GSE1: variants seen among roughly 807,000 people sequenced by gnomAD.
GSE1 encodes genetic suppressor element 1.
A neutral mutation model predicts 112.6 loss-of-function variants in GSE1; 32 were observed. The ratio of observed to expected loss-of-function variants is 0.28; its 90% CI spans 0.21 to 0.38. GSE1 has a LOEUF of 0.38. Among genes scored for constraint, GSE1 ranks in the 10% least tolerant of loss-of-function variants. The pLI, the probability that GSE1 is intolerant of heterozygous loss-of-function variation, is 1.00. For missense variants in GSE1, 2,348 were observed against 1,699.2 expected, an observed-to-expected ratio of 1.38 and a Z score of -6.71; for synonymous variants, 1,115 against 735.6, an observed-to-expected ratio of 1.52 and a Z score of -8.35.
intron 2 of GSE1, among the ~76,000 whole-genome samples, chr16:85,539,976 G>C (rs1220874902): frequency 6.6e-6 from 1 of 152,202 alleles, no homozygotes; most frequent in Non-Finnish European, 1.5e-5. Flanking sequence ...CCTCTTCTCT[G>C]CAGACAGCTG....
At chr16:85,513,861 C>G (rs757573406) in intron 2 of GSE1, among the ~76,000 whole-genome samples, 3 of 152,200 alleles carry the variant, frequency 2.0e-5, no homozygotes, top group Admixed American at 2.0e-4. Context: ...GGGCAGGGCA[C>G]GTGTACAATG....
At position 85,280,506 on chromosome 16, in the gene GSE1, C is replaced by T. The variant is rs554626458; in HGVS notation, c.2284-76957C>T. Among the ~76,000 whole-genome samples, 6 of 152,350 alleles carry T rather than the reference C, an allele frequency of 3.9e-5. No homozygotes were observed. In the East Asian group the frequency reaches 1.2e-3, roughly 29 times the overall value. On this transcript the variant is annotated intron_variant, in intron 1 of 2. Transcript: ENST00000637419. ...CACCTCCTGGGTTTAAGCGATTCTC[C>T]TGCCTCAGCCTCTCGAGTAGCTGGG...
At chr16:85,661,830 A>C (rs1021537006) in intron 9 of GSE1, 65 bp downstream of exon 9, 1 of 1,402,834 alleles carries the variant, frequency 7.1e-7, no homozygotes, top group African/African-American at 1.5e-5. Context: ...GGGAGCCTGC[A>C]TGCCAGCCAC....
At chr16:85,576,419 G>A (rs2046229753) in intron 1 of GSE1, among the ~76,000 whole-genome samples, 1 of 152,160 alleles carries the variant, frequency 6.6e-6, no homozygotes, top group Non-Finnish European at 1.5e-5. Context: ...AAAAGCGAAG[G>A]GAAGCCAAAC....
intron 2 of GSE1, among the ~76,000 whole-genome samples, chr16:85,486,341 G>C (rs1001362865): frequency 6.6e-6 from 1 of 152,100 alleles, no homozygotes; most frequent in Non-Finnish European, 1.5e-5. Flanking sequence ...ATGTTGTCAC[G>C]TGCACACGAG....
chr16:85,512,986 T>C (rs1029813856), intron 2 of GSE1, among the ~76,000 whole-genome samples: 12 of 152,142 alleles, frequency 7.9e-5, no homozygotes, highest in Admixed American at 6.5e-4. Context: ...CCAGCTGCCA[T>C]GGGGAGCTCT....
chr16:85,412,949 G>A (rs13338924), intron 2 of GSE1, among the ~76,000 whole-genome samples: 10,327 of 152,260 alleles, frequency 0.068, 1,075 homozygotes, highest in African/African-American at 0.23. Context: ...CCATGTGTCC[G>A]TGAAGCCATC....
intron 2 of GSE1, among the ~76,000 whole-genome samples, chr16:85,516,279 T>C (rs1452717454): frequency 6.6e-6 from 1 of 151,972 alleles, no homozygotes; most frequent in Non-Finnish European, 1.5e-5. Context: ...GCTGCTGCTC[T>C]ACCTGTGACC....
chr16:85,599,355 G>A (rs2047367064), intron 1 of GSE1, among the ~76,000 whole-genome samples: 1 of 152,196 alleles, frequency 6.6e-6, no homozygotes, highest in African/African-American at 2.4e-5. Flanking sequence ...CCAGGGCTGA[G>A]CGGCAGACAC....
At chr16:85,670,921 T>TGA in intron 14 of GSE1, 74 bp from the exon 15 acceptor site, 1 of 909,814 alleles carries the variant, frequency 1.1e-6, no homozygotes, top group Non-Finnish European at 1.8e-6. Flanking sequence ...GGGCAGGGTG[T>TGA]GAAGAGGAGA....
chr16:85,499,380 G>A (rs56229722), intron 2 of GSE1, among the ~76,000 whole-genome samples: 2 of 143,942 alleles, frequency 1.4e-5, no homozygotes, highest in Non-Finnish European at 3.0e-5. Flanking sequence ...GCGTGATCTC[G>A]GCTCACTGCA....
intron 2 of GSE1, among the ~76,000 whole-genome samples, chr16:85,548,064 A>G (rs1475660746): frequency 2.6e-5 from 4 of 151,816 alleles, no homozygotes; most frequent in Non-Finnish European, 5.9e-5. Context: ...TGTCTCTACT[A>G]AAAATACCAA....
chr16:85,175,499 C>T (rs376330352), intron 1 of GSE1, among the ~76,000 whole-genome samples: 3 of 152,230 alleles, frequency 2.0e-5, no homozygotes, highest in East Asian at 1.9e-4. Flanking sequence ...GCCTTGGAAC[C>T]GAGTGAGCCG....
upstream of GSE1, among the ~76,000 whole-genome samples, chr16:85,612,699 T>TG (rs539560624): frequency 5.4e-3 from 431 of 79,236 alleles, 2 homozygotes; most frequent in Middle Eastern, 0.011. Flanking sequence ...AGGTCAGGCA[T>TG]GGGGGGGGTG....
chr16:85,610,610 C>G (rs565578231), upstream of GSE1, among the ~76,000 whole-genome samples: 5 of 152,356 alleles, frequency 3.3e-5, no homozygotes, highest in South Asian at 1.0e-3. Context: ...TGTCATCCAT[C>G]TCCCCCTTGC....
chr16:85,177,739 T>C (rs1222453322), intron 1 of GSE1, among the ~76,000 whole-genome samples: 1 of 152,134 alleles, frequency 6.6e-6, no homozygotes, highest in Non-Finnish European at 1.5e-5. Flanking sequence ...GGGGCCTGGT[T>C]TTAAATTTAG....
At chr16:85,442,984 C>G (rs1597772335) in intron 2 of GSE1, among the ~76,000 whole-genome samples, 2 of 152,300 alleles carry the variant, frequency 1.3e-5, no homozygotes. Context: ...TGGCTCCGTC[C>G]GCCCATGGCG....
chr16:85,276,575 G>A (rs1301495697), intron 1 of GSE1, among the ~76,000 whole-genome samples: 2 of 152,332 alleles, frequency 1.3e-5, no homozygotes, highest in African/African-American at 2.4e-5. Context: ...GTTTAATCCA[G>A]AAAGGGCCCG....
chr16:85,390,834 G>A (rs915620194), intron 2 of GSE1, among the ~76,000 whole-genome samples: 1 of 151,800 alleles, frequency 6.6e-6, no homozygotes, highest in African/African-American at 2.4e-5. Context: ...CTTAAGCAAA[G>A]GTTATTGGAC....
Sources: allele counts gnomAD v4.1 joint callset (sites outside exome capture counted in the v4.1 genomes callset), GRCh38; gene constraint gnomAD v4.1.1; transcripts MANE v1.5; gene names NCBI Gene and HGNC (gene_info 2026-07-23, HGNC 2026-07-21).